EFR3A: variants seen among roughly 807,000 people sequenced by gnomAD.
EFR3A encodes EFR3 homolog A, also known as protein EFR3 homolog A.
Under a neutral mutation model 104.4 loss-of-function variants are expected in EFR3A, and 76 were observed. The ratio of observed to expected loss-of-function variants is 0.73; its 90% CI spans 0.60 to 0.88. The LOEUF (loss-of-function observed/expected upper bound fraction) is 0.88, where lower values mean the gene tolerates loss of function less well. Among genes scored for constraint, EFR3A ranks in the 40% least tolerant of loss-of-function variants. The pLI, the probability that EFR3A is intolerant of heterozygous loss-of-function variation, is 0.00. For synonymous variants in EFR3A, 330 were observed against 330.0 expected (o/e 1.00, Z 0.00); for missense variants, 985 against 1,012.5 (o/e 0.97, Z 0.37).
intron 18 of EFR3A, among the ~76,000 whole-genome samples, chr8:131,993,617 TG>T (rs1821320532): frequency 6.6e-6 from 1 of 151,192 alleles, no homozygotes; most frequent in Non-Finnish European, 1.5e-5. Context: ...GAGCATAGGC[TG>T]GGCACAGTGG....
chr8:131,979,278 T>C, intron 13 of EFR3A, 68 bp from the exon 14 acceptor site: 2 of 1,219,794 alleles, frequency 1.6e-6, no homozygotes, highest in South Asian at 2.9e-5. Flanking sequence ...AATACAATTT[T>C]CCATATAAGA....
intron 22 of EFR3A, 22 bp from the exon 23 acceptor site, chr8:132,010,768 A>G (rs780440786): frequency 1.5e-5 from 24 of 1,609,676 alleles, no homozygotes; most frequent in Middle Eastern, 1.7e-4. Flanking sequence ...CCTGCTGACA[A>G]TGTATTTTTG....
chr8:131,960,159 A>T lies in EFR3A; in HGVS notation c.855+496A>T, dbSNP rs1050377802. On this transcript the variant is annotated intron_variant, in intron 8 of 22. Transcript: ENST00000254624. Reference sequence around the variant, plus strand: ...TTTCCAGATGCTTACCTTCTTGTGGAGTTTAGACTAAGGGACTTTCCTTTC... The same window carrying T: ...TTTCCAGATGCTTACCTTCTTGTGGTGTTTAGACTAAGGGACTTTCCTTTC... Among the ~76,000 whole-genome samples, 11 of 152,204 alleles carry T rather than the reference A, an allele frequency of 7.2e-5. No homozygotes were observed. In the East Asian group the frequency reaches 1.5e-3, roughly 21 times the overall value.
At chr8:131,910,243 G>C (rs1406596298) in intron 1 of EFR3A, among the ~76,000 whole-genome samples, 1 of 152,152 alleles carries the variant, frequency 6.6e-6, no homozygotes, top group Non-Finnish European at 1.5e-5. Flanking sequence ...ACATGGAATG[G>C]GGAACTTGAA....
At chr8:131,916,315 A>C (rs1444570346) in intron 1 of EFR3A, among the ~76,000 whole-genome samples, 1 of 152,218 alleles carries the variant, frequency 6.6e-6, no homozygotes, top group Non-Finnish European at 1.5e-5. Context: ...AAATGTGAAC[A>C]CTTTTGAGGA....
intron 18 of EFR3A, among the ~76,000 whole-genome samples, chr8:131,991,348 A>G (rs1445491992): frequency 6.6e-6 from 1 of 152,154 alleles, no homozygotes; most frequent in Admixed American, 6.6e-5. Context: ...CAGCCAAACC[A>G]TATCAGCTGC....
In EFR3A at chr8:131,904,154, G is replaced by A. The variant is rs1277352899; in HGVS notation, c.-159G>A. On this transcript the variant is annotated 5_prime_UTR_variant, in exon 1 of 23. In the 5' UTR this introduces an upstream ATG that the reference lacks. Coordinates refer to ENST00000254624, the MANE Select transcript of EFR3A (RefSeq NM_015137.6). ...CGGTAGCTGTCGCCCGCTTGGTTGC[G>A]TGACCGCGGGGTCCGCGTCCGCTCC... The A allele has an allele frequency of 1.2e-5, 10 of 867,564 alleles. No individual in the cohort carries two copies. Among genetic ancestry groups the A allele is most frequent in the Non-Finnish European group, 1.4e-5 (9 of 658,178 alleles). 53.7% of individuals were successfully genotyped at this position (867,564 alleles called of 1,614,324 possible). A position where few individuals can be genotyped will look rare whatever the true frequency, so the allele number is the denominator to read the frequency against.
Position 132,010,407 on chromosome 8 carries a change from G to GATATATATATAT in EFR3A, c.2361-351_2361-340dup, listed in dbSNP as rs66644698. 2.3e-3 allele frequency among the ~76,000 whole-genome samples: 186 copies of GATATATATATAT among 81,784 alleles called. 2 individuals carry two copies. Among genetic ancestry groups the GATATATATATAT allele is most frequent in the African/African-American group, 5.9e-3 (119 of 20,330 alleles). 53.7% of individuals were successfully genotyped at this position (81,784 alleles called of 152,430 possible). On this transcript the variant is annotated intron_variant, in intron 22 of 22. Transcript: ENST00000254624. Reference sequence around the variant, plus strand: ...GTTCTCTGGATTAAATCAAGTATGAGATATATATATATATATATATATATA... The same window carrying GATATATATATAT: ...GTTCTCTGGATTAAATCAAGTATGAGATATATATATATATATATATATATATATATATATATA...
chr8:131,958,074 G>A (rs1288016118), intron 7 of EFR3A, among the ~76,000 whole-genome samples: 1 of 152,160 alleles, frequency 6.6e-6, no homozygotes, highest in Non-Finnish European at 1.5e-5. Context: ...CAGTATGTTA[G>A]CAGGTTACTG....
chr8:131,931,000 A>T (rs1273892303), intron 1 of EFR3A, among the ~76,000 whole-genome samples: 1 of 152,144 alleles, frequency 6.6e-6, no homozygotes, highest in East Asian at 1.9e-4. Context: ...AATTCTCTAC[A>T]TCATTATACA....
intron 2 of EFR3A, among the ~76,000 whole-genome samples, chr8:131,942,172 T>G (rs1818199654): frequency 1.3e-5 from 2 of 152,018 alleles, no homozygotes; most frequent in South Asian, 4.1e-4. Flanking sequence ...ATAGGTAAAT[T>G]AGAGAAAGAA....
chr8:131,984,384 A>G (rs1820772179), intron 15 of EFR3A, 84 bp downstream of exon 15: 3 of 1,322,174 alleles, frequency 2.3e-6, no homozygotes, highest in African/African-American at 1.5e-5. Flanking sequence ...ATCCAAGGAC[A>G]TGAATTTTAA....
At chr8:131,974,968 G>C (rs1586634981) in intron 10 of EFR3A, among the ~76,000 whole-genome samples, 2 of 152,066 alleles carry the variant, frequency 1.3e-5, no homozygotes, top group Admixed American at 1.3e-4. Flanking sequence ...TTTAAGAAAG[G>C]AACATAACAG....
chr8:131,904,441 G>T (rs1465156119), intron 1 of EFR3A, 119 bp downstream of exon 1: 5 of 993,330 alleles, frequency 5.0e-6, no homozygotes, highest in Non-Finnish European at 6.5e-6. Flanking sequence ...GAGCCAGGAA[G>T]TGTCTGCGAG....
chr8:131,905,608 C>T (rs1022572749), intron 1 of EFR3A, among the ~76,000 whole-genome samples: 2 of 152,156 alleles, frequency 1.3e-5, no homozygotes, highest in Admixed American at 6.5e-5. Flanking sequence ...TCTTGGACTT[C>T]GCATCCAGTA....
chr8:132,000,853 C>A (rs1177919208), intron 19 of EFR3A: 1 of 152,148 alleles, frequency 6.6e-6, no homozygotes, highest in African/African-American at 2.4e-5. Context: ...GAGTGGAACT[C>A]TTGCTGCTTG....
intron 1 of EFR3A, among the ~76,000 whole-genome samples, chr8:131,923,649 A>C (rs985136132): frequency 1.3e-5 from 2 of 152,034 alleles, no homozygotes; most frequent in Non-Finnish European, 2.9e-5. Context: ...CAAGAACTTC[A>C]GTAGGCTTTC....
chr8:131,940,512 C>CTTTTTTTTTTTTTTTTT lies in EFR3A; in HGVS notation c.25_26insTTTTTTTTTTTTTTTTT (p.Cys9PhefsTer31), dbSNP rs1818112440. 6.2e-7 allele frequency: 1 copy of CTTTTTTTTTTTTTTTTT among 1,602,324 alleles called. No individual in the cohort carries two copies. Among genetic ancestry groups the CTTTTTTTTTTTTTTTTT allele is most frequent in the African/African-American group, 1.4e-5 (1 of 74,004 alleles). On this transcript the variant is annotated frameshift_variant, in exon 2 of 23. Coordinates refer to ENST00000254624, the MANE Select transcript of EFR3A (RefSeq NM_015137.6). LOFTEE classifies it high-confidence loss of function. ...TTTTTTTAACAGGAGTATGCTGCTG[C>CTTTTTTTTTTTTTTTTT]TGTTCCGCTTTGCGTCCTCGCTACA...
intron 1 of EFR3A, among the ~76,000 whole-genome samples, chr8:131,925,514 T>C (rs961616336): frequency 1.3e-5 from 2 of 152,112 alleles, no homozygotes; most frequent in African/African-American, 2.4e-5. Context: ...AAAATGATTA[T>C]GAAGAAATTA....
Sources: gnomAD v4.1 joint callset for allele counts (sites outside exome capture counted in the v4.1 genomes callset) on GRCh38, gnomAD v4.1.1 for gene constraint, MANE v1.5 for transcripts, NCBI Gene and HGNC (gene_info 2026-07-23, HGNC 2026-07-21) for gene names.